The following SHROOM4 variants were observed in gnomAD, a reference collection of about 807,000 sequenced individuals.
SHROOM4 encodes the protein protein Shroom4.
In SHROOM4, 17 loss-of-function variants were observed where a neutral mutation model predicts 80.3. The ratio of observed to expected loss-of-function variants is 0.21; its 90% CI spans 0.14 to 0.32. The LOEUF is 0.32. Ranked by LOEUF, SHROOM4 falls within the 10% of genes least tolerant of loss-of-function variation. The pLI, the probability that SHROOM4 is intolerant of heterozygous loss-of-function variation, is 1.00. For missense variants in SHROOM4, 993 were observed against 1,140.3 expected, an observed-to-expected ratio of 0.87 and a Z score of 1.86; for synonymous variants, 400 against 437.5, an observed-to-expected ratio of 0.91 and a Z score of 1.07.
intron 4 of SHROOM4, 126 bp downstream of exon 4, chrX:50,633,052 C>G (rs782120576): frequency 5.1e-4 from 359 of 703,493 alleles, no homozygotes; most frequent in Non-Finnish European, 6.0e-4. Flanking sequence ...ACTAAGCTAA[C>G]AACTACTGAA....
intron 1 of SHROOM4, among the ~76,000 whole-genome samples, chrX:50,780,088 C>G (rs1047346538): frequency 1.2e-4 from 13 of 111,534 alleles, no homozygotes; most frequent in African/African-American, 4.2e-4. Flanking sequence ...TTGAGTCAGT[C>G]AGTCCCATTT....
intron 8 of SHROOM4, among the ~76,000 whole-genome samples, chrX:50,597,793 T>C (rs184258671): frequency 5.6e-4 from 63 of 111,925 alleles, no homozygotes; most frequent in Non-Finnish European, 1.1e-3. Flanking sequence ...GGCAAGAATT[T>C]CAGGGCACTT....
chrX:50,748,702 T>C (rs973685331), intron 1 of SHROOM4, among the ~76,000 whole-genome samples: 1 of 111,478 alleles, frequency 9.0e-6, no homozygotes, highest in South Asian at 3.8e-4. Context: ...TGGTCCCCCA[T>C]ACTTAGGAGC....
chrX:50,622,080 C>T (rs1256464680), intron 5 of SHROOM4, among the ~76,000 whole-genome samples: 1 of 111,939 alleles, frequency 8.9e-6, no homozygotes, highest in South Asian at 3.8e-4. Context: ...AATGCTCTCA[C>T]GGGGTTATTA....
At chrX:50,671,968 G>A (rs1305730968) in intron 2 of SHROOM4, among the ~76,000 whole-genome samples, 2 of 112,109 alleles carry the variant, frequency 1.8e-5, no homozygotes, top group African/African-American at 6.5e-5. Flanking sequence ...AAGACTCAGA[G>A]GGCATTGTAG....
chrX:50,605,451 C>T (rs1368954765), intron 6 of SHROOM4, among the ~76,000 whole-genome samples: 1 of 112,494 alleles, frequency 8.9e-6, no homozygotes, highest in Non-Finnish European at 1.9e-5. Flanking sequence ...CAAATGTTTT[C>T]CCTTACATCC....
chrX:50,638,167 G>A lies in SHROOM4; in HGVS notation c.404+7C>T. 1 of 1,203,830 alleles carries A rather than the reference G, an allele frequency of 8.3e-7. No homozygotes were observed. On this transcript the variant is annotated splice_region_variant and intron_variant, in intron 3 of 8. Coordinates refer to ENST00000376020, the MANE Select transcript of SHROOM4 (RefSeq NM_020717.5). ...AGCCTGTCTTGAGGGGAGGGCTCTAGACTCACCTTGTGTTGCAGCCAGAAT... is the reference window on the plus strand; with the variant it reads ...AGCCTGTCTTGAGGGGAGGGCTCTAAACTCACCTTGTGTTGCAGCCAGAAT...
At chrX:50,601,963 A>G (rs1929432831) in intron 7 of SHROOM4, among the ~76,000 whole-genome samples, 1 of 111,915 alleles carries the variant, frequency 8.9e-6, no homozygotes, top group Non-Finnish European at 1.9e-5. Context: ...GTACAGTAGA[A>G]ATTCAGACAG....
rs781942320 is a variant in SHROOM4 at position 50,591,694 on chromosome X, T to TTTCTTTTCTTTC, written c.*5000_*5001insGAAAGAAAAGAA. On this transcript the variant is annotated 3_prime_UTR_variant, in exon 9 of 9. Coordinates refer to ENST00000376020, the MANE Select transcript of SHROOM4 (RefSeq NM_020717.5). The stretch of plus-strand genomic sequence containing the variant: ...TTTTCTTTCTTTCTTTCTTTCTTTC[T>TTTCTTTTCTTTC]TTTCTTTCTTTCTTTCTTTCTTTCT... The TTTCTTTTCTTTC allele has an allele frequency of 2.4e-4, 59 of 248,975 alleles. No homozygotes were observed. Among genetic ancestry groups the TTTCTTTTCTTTC allele is most frequent in the African/African-American group, 2.0e-3 (58 of 28,740 alleles). The allele number at this position is 248,975 out of a possible 1,213,427, so 20.5% of individuals were successfully genotyped here.
intron 2 of SHROOM4, among the ~76,000 whole-genome samples, chrX:50,676,371 A>T (rs1932854234): frequency 6.3e-5 from 7 of 111,174 alleles, no homozygotes; most frequent in Non-Finnish European, 1.3e-4. Context: ...TATATGAAGA[A>T]TCAAATACAC....
intron 2 of SHROOM4, among the ~76,000 whole-genome samples, chrX:50,638,683 T>A (rs1251140329): frequency 8.9e-6 from 1 of 112,822 alleles, no homozygotes; most frequent in Non-Finnish European, 1.9e-5. Context: ...CATTTTTCTC[T>A]GAGAAAGGAA....
intron 2 of SHROOM4, among the ~76,000 whole-genome samples, chrX:50,659,215 G>A (rs1359428409): frequency 8.9e-6 from 1 of 112,062 alleles, no homozygotes; most frequent in Non-Finnish European, 1.9e-5. Flanking sequence ...ATGGAGAATA[G>A]TAAAATCAGA....
At chrX:50,637,343 T>C (rs1305915066) in intron 3 of SHROOM4, among the ~76,000 whole-genome samples, 1 of 112,005 alleles carries the variant, frequency 8.9e-6, no homozygotes, top group Non-Finnish European at 1.9e-5. Flanking sequence ...GTCAGCTCAC[T>C]TGTTCTCTGG....
chrX:50,801,347 G>A (rs1031553621), intron 1 of SHROOM4, among the ~76,000 whole-genome samples: 4 of 108,910 alleles, frequency 3.7e-5, no homozygotes, highest in African/African-American at 1.3e-4. Context: ...TCTGGGGCCT[G>A]TTCCAGATCA....
chrX:50,613,145 A>T (rs1182120726), intron 5 of SHROOM4, among the ~76,000 whole-genome samples: 2 of 111,781 alleles, frequency 1.8e-5, no homozygotes, highest in Non-Finnish European at 3.8e-5. Context: ...TTTGAGACAG[A>T]GTCCAGCTCT....
chrX:50,754,884 T>G (rs782681394), intron 1 of SHROOM4, among the ~76,000 whole-genome samples: 2 of 112,346 alleles, frequency 1.8e-5, no homozygotes, highest in African/African-American at 6.5e-5. Context: ...GAAAGTAGCA[T>G]GGGCTTTGGC....
In SHROOM4 at chrX:50,707,146, C is replaced by T. The variant is rs148811374; in HGVS notation, c.118-11209G>A. On this transcript the variant is annotated intron_variant, in intron 1 of 8. Transcript: ENST00000376020. ...CAGATTCTAATTTGATTTAGTGCTTCGTTAACCAGTGCCCTCAGACCCCCA... is the reference window on the plus strand; with the variant it reads ...CAGATTCTAATTTGATTTAGTGCTTTGTTAACCAGTGCCCTCAGACCCCCA... 3.7e-3 allele frequency among the ~76,000 whole-genome samples: 411 copies of T among 111,923 alleles called. 1 individual carries two copies. The highest frequency in any genetic ancestry group is 0.012 in the African/African-American group (384 of 30,811).
chrX:50,692,072 C>A (rs782804264), intron 2 of SHROOM4, among the ~76,000 whole-genome samples: 24 of 111,746 alleles, frequency 2.1e-4, no homozygotes, highest in Non-Finnish European at 4.3e-4. Context: ...CCCTGCTAGT[C>A]CAAGCCCATA....
chrX:50,633,624 T>C lies in SHROOM4; in HGVS notation c.2449A>G (p.Ser817Gly), dbSNP rs782563006. ...IDQNFQPMSS[S>G]CRELRRHPMD... ...GGATGGCGCCTCAATTCCCTACAGC[T>C]GGAGCTCATTGGCTGGAAGTTTTGG... The change falls in exon 4 of 9, where the codon AGC (serine) becomes GGC (glycine). Residue 817 changes from serine to glycine, a missense_variant. Coordinates refer to ENST00000376020, the MANE Select transcript of SHROOM4 (RefSeq NM_020717.5). The C allele has an allele frequency of 8.3e-6, 10 of 1,210,444 alleles. No individual in the cohort carries two copies. Among genetic ancestry groups the C allele is most frequent in the Middle Eastern group, 2.3e-4 (1 of 4,377 alleles).
Sources: allele counts gnomAD v4.1 joint callset (sites outside exome capture counted in the v4.1 genomes callset), GRCh38; gene constraint gnomAD v4.1.1; transcripts MANE v1.5; gene names NCBI Gene and HGNC (gene_info 2026-07-23, HGNC 2026-07-21).